The following CERT1 variants were observed in gnomAD, a reference collection of about 807,000 sequenced individuals.
The protein encoded by CERT1 is ceramide transporter 1.
In CERT1, 31 loss-of-function variants were observed where a neutral mutation model predicts 87.9. The observed-to-expected ratio is 0.35, with a 90% confidence interval of 0.27 to 0.48. CERT1 has a LOEUF of 0.48. CERT1 is among the 20% of genes least tolerant of loss of function. CERT1 has a pLI of 0.99. For synonymous variants in CERT1, 289 were observed against 250.9 expected (o/e 1.15, Z -1.44); for missense variants, 487 against 758.0 (o/e 0.64, Z 4.20).
chr5:75,373,923 T>G, downstream of CERT1: 1 of 395,256 alleles, frequency 2.5e-6, no homozygotes, highest in Non-Finnish European at 4.5e-6. Flanking sequence ...TTTTTTTTTC[T>G]CTTCTAGGAG....
chr5:75,432,419 TTC>T (rs1484392173), intron 3 of CERT1, among the ~76,000 whole-genome samples: 1 of 152,216 alleles, frequency 6.6e-6, no homozygotes, highest in African/African-American at 2.4e-5. Flanking sequence ...GTAACAGACA[TTC>T]TGATTGGTGA....
At chr5:75,405,874 G>A (rs907528051) in intron 8 of CERT1, among the ~76,000 whole-genome samples, 2 of 1,342 alleles carry the variant, frequency 1.5e-3, no homozygotes, top group Non-Finnish European at 2.2e-3. Context: ...GCAGTTACTG[G>A]GGGGGGGGGG....
Position 75,381,302 on chromosome 5 carries a change from G to A in CERT1, c.1618-101C>T. ...TTAACCAAAATCGTAACTCTTAAAA[G>A]TATCTCCAGTGAAATCTTATAAGCA... is the stretch of plus-strand genomic sequence containing the variant. On this transcript the variant is annotated intron_variant, in intron 15 of 16. Transcript: ENST00000643780. 3.1e-6 allele frequency: 4 copies of A among 1,297,908 alleles called. No individual in the cohort carries two copies. In the South Asian group the frequency reaches 5.2e-5, roughly 17 times the overall value. The allele number at this position is 1,297,908 out of a possible 1,614,324, so 80.4% of individuals were successfully genotyped here.
At chr5:75,463,686 A>G (rs1359069046) in intron 2 of CERT1, among the ~76,000 whole-genome samples, 1 of 152,198 alleles carries the variant, frequency 6.6e-6, no homozygotes, top group Non-Finnish European at 1.5e-5. Context: ...ACAGCACAGC[A>G]AGCCAATCAC....
chr5:75,431,985 T>G (rs1259323880), intron 3 of CERT1, among the ~76,000 whole-genome samples: 1 of 151,850 alleles, frequency 6.6e-6, no homozygotes, highest in Non-Finnish European at 1.5e-5. Context: ...GTTTGAGAAA[T>G]CACCAAACTA....
In CERT1 at chr5:75,511,447, CCGCCGCCGTCGCCGT is replaced by C; in HGVS notation, c.-255_-241del. ...AGCCTACCCTTCCAGCCGTCAGCCG[CCGCCGCCGTCGCCGT>C]GACCCCTGCGTTGCGCCCGGCGCTG... On this transcript the variant is annotated 5_prime_UTR_variant, in exon 1 of 17. Coordinates refer to ENST00000643780, the MANE Select transcript of CERT1 (RefSeq NM_001379029.1). The C allele has an allele frequency of 1.3e-6, 2 of 1,534,348 alleles. No individual in the cohort carries two copies.
In CERT1 at chr5:75,489,326, C is replaced by T. The variant is rs151017124; in HGVS notation, c.231+16656G>A. Among the ~76,000 whole-genome samples the T allele has an allele frequency of 2.1e-3, 317 of 152,308 alleles. 1 individual carries two copies. In the East Asian group the frequency reaches 0.027, roughly 13 times the overall value. On this transcript the variant is annotated intron_variant, in intron 2 of 16. Coordinates refer to ENST00000643780, the MANE Select transcript of CERT1 (RefSeq NM_001379029.1). Reference sequence around the variant, plus strand: ...AAAACCTAGGCAATATCATTGAGGACATAGGCATTGGCAAAGGCTTCATGA... The same window carrying T: ...AAAACCTAGGCAATATCATTGAGGATATAGGCATTGGCAAAGGCTTCATGA...
chr5:75,492,486 C>G lies in CERT1; in HGVS notation c.231+13496G>C, dbSNP rs140363965. ...CAGGAGGAAAGACAGGCTTTTGATA[C>G]CAGAGGAGGAAAAGGCATTCCAGAT... On this transcript the variant is annotated intron_variant, in intron 2 of 16. Coordinates refer to ENST00000643780, the MANE Select transcript of CERT1 (RefSeq NM_001379029.1). Among the ~76,000 whole-genome samples, 314 of 152,106 alleles carry G rather than the reference C, an allele frequency of 2.1e-3. 1 individual carries two copies. The East Asian group carries it at 0.027, about 13-fold the overall frequency.
intron 2 of CERT1, among the ~76,000 whole-genome samples, chr5:75,469,561 T>TG (rs1765622708): frequency 6.6e-6 from 1 of 152,060 alleles, no homozygotes; most frequent in Admixed American, 6.6e-5. Context: ...TATTTTTTTT[T>TG]GTAAACCTTA....
intron 8 of CERT1, among the ~76,000 whole-genome samples, chr5:75,407,528 CCAAA>C (rs138025804): frequency 0.013 from 1,889 of 145,010 alleles, 42 homozygotes; most frequent in African/African-American, 0.044. Context: ...GAAAAAAAAC[CCAAA>C]CAAACAAACA....
chr5:75,427,009 T>G (rs879860074), intron 3 of CERT1, among the ~76,000 whole-genome samples: 2 of 152,228 alleles, frequency 1.3e-5, no homozygotes, highest in Non-Finnish European at 1.5e-5. Flanking sequence ...GTTTTGTTAT[T>G]ACTACTGGAC....
At chr5:75,444,350 G>A (rs1764447511) in intron 3 of CERT1, among the ~76,000 whole-genome samples, 1 of 151,686 alleles carries the variant, frequency 6.6e-6, no homozygotes, top group African/African-American at 2.4e-5. Context: ...CACTGCGCCT[G>A]GCCTGATCAT....
intron 3 of CERT1, among the ~76,000 whole-genome samples, chr5:75,433,059 T>C (rs188373930): frequency 7.9e-5 from 12 of 152,348 alleles, no homozygotes; most frequent in Admixed American, 6.5e-4. Context: ...TGGTCATGTG[T>C]CTGTTTTTGT....
intron 8 of CERT1, among the ~76,000 whole-genome samples, chr5:75,406,522 T>A (rs1762710985): frequency 6.6e-6 from 1 of 151,866 alleles, no homozygotes; most frequent in African/African-American, 2.4e-5. Context: ...CCTAGTGTAG[T>A]GCCCTACATT....
chr5:75,384,747 C>G (rs757358885), intron 13 of CERT1, 35 bp from the exon 14 acceptor site: 3 of 1,333,102 alleles, frequency 2.3e-6, no homozygotes, highest in East Asian at 4.6e-5. Flanking sequence ...GATATATTAT[C>G]TTTTCCTAGA....
chr5:75,462,655 T>TA (rs993270876), intron 2 of CERT1, among the ~76,000 whole-genome samples: 4 of 151,680 alleles, frequency 2.6e-5, no homozygotes, highest in East Asian at 1.9e-4. Context: ...CTGACAGAGT[T>TA]AAAAAAACAA....
At chr5:75,509,195 G>A (rs189266757) in intron 1 of CERT1, among the ~76,000 whole-genome samples, 2 of 152,034 alleles carry the variant, frequency 1.3e-5, no homozygotes, top group Admixed American at 1.3e-4. Context: ...AATTGTACCG[G>A]GACTTATTTA....
At chr5:75,448,258 G>A (rs1764636241) in intron 3 of CERT1, among the ~76,000 whole-genome samples, 1 of 152,066 alleles carries the variant, frequency 6.6e-6, no homozygotes, top group African/African-American at 2.4e-5. Flanking sequence ...CTACTAAAAA[G>A]AACAAGGGGC....
intron 1 of CERT1, among the ~76,000 whole-genome samples, chr5:75,509,371 C>G (rs1189082688): frequency 6.6e-6 from 1 of 152,100 alleles, no homozygotes; most frequent in Non-Finnish European, 1.5e-5. Flanking sequence ...AAAAAGCTTC[C>G]AGAAAACTGT....
Sources: allele counts gnomAD v4.1 joint callset (sites outside exome capture counted in the v4.1 genomes callset), GRCh38; gene constraint gnomAD v4.1.1; transcripts MANE v1.5; gene names NCBI Gene and HGNC (gene_info 2026-07-23, HGNC 2026-07-21).